PDZD2: variants seen among roughly 807,000 people sequenced by gnomAD.
PDZD2 encodes the protein PDZ domain-containing protein 2.
A neutral mutation model predicts 220.7 loss-of-function variants in PDZD2; 90 were observed. That is an observed-to-expected ratio of 0.41 (90% CI 0.34 to 0.49). The LOEUF (loss-of-function observed/expected upper bound fraction) is 0.49, where lower values mean the gene tolerates loss of function less well. PDZD2 is among the 20% of genes least tolerant of loss of function. PDZD2 has a pLI of 0.28. For missense variants in PDZD2, 3,174 were observed against 3,608.5 expected (o/e 0.88, Z 3.08); for synonymous variants, 1,375 against 1,450.5 (o/e 0.95, Z 1.18).
At chr5:31,958,552 GC>G (rs1488126086) in intron 2 of PDZD2, among the ~76,000 whole-genome samples, 1 of 151,906 alleles carries the variant, frequency 6.6e-6, no homozygotes, top group Non-Finnish European at 1.5e-5. Flanking sequence ...ACCACAGCTG[GC>G]TTATCTTGAT....
chr5:31,856,497 G>C (rs1010693410), intron 2 of PDZD2, among the ~76,000 whole-genome samples: 1 of 152,172 alleles, frequency 6.6e-6, no homozygotes, highest in African/African-American at 2.4e-5. Context: ...CACCCTCTCT[G>C]AGCCTGCATT....
At position 31,975,820 on chromosome 5, in the gene PDZD2, T is replaced by TG. The variant is rs1300814938; in HGVS notation, c.477-7335_477-7334insG. ...TTTTTTTTATTTATTTTTTTTTTTT[T>TG]TGAGACAAGGTCTTACTCTGTAACC... On this transcript the variant is annotated intron_variant, in intron 2 of 24. Transcript: ENST00000438447. Among the ~76,000 whole-genome samples the TG allele has an allele frequency of 1.4e-3, 195 of 134,764 alleles. 5 individuals carry two copies. Among genetic ancestry groups the TG allele is most frequent in the African/African-American group, 5.4e-3 (190 of 35,486 alleles). 88.4% of individuals were successfully genotyped at this position (134,764 alleles called of 152,430 possible). A position where few individuals can be genotyped will look rare whatever the true frequency, so the allele number is the denominator to read the frequency against.
intron 1 of PDZD2, among the ~76,000 whole-genome samples, chr5:31,773,936 T>C (rs1257734022): frequency 6.6e-6 from 1 of 152,138 alleles, no homozygotes; most frequent in African/African-American, 2.4e-5. Flanking sequence ...ACATCAGGAA[T>C]AGCTAGCATG....
In PDZD2 at chr5:32,092,915, A is replaced by C. The variant is rs770506377; in HGVS notation, c.7736A>C (p.Gln2579Pro). ...ATATTTATATTATTTAGTTTGGATC[A>C]ACTTCTAGTCTCAGCGGGGGACCAG... ...FRRSWSVNLD[Q>P]LLVSAGDQQR... is the part of the protein sequence containing the mutation. Residue 2579 changes from glutamine to proline, a missense_variant, in exon 21 of 25, where the codon CAA (glutamine) becomes CCA (proline). Physicochemically the swap from Gln to Pro is moderately conservative, Grantham distance 76. Coordinates refer to ENST00000438447, the MANE Select transcript of PDZD2 (RefSeq NM_178140.4). 6.5e-7 allele frequency: 1 copy of C among 1,539,016 alleles called. No homozygotes were observed. Among genetic ancestry groups the C allele is most frequent in the East Asian group, 2.3e-5 (1 of 44,386 alleles).
At chr5:31,816,623 G>A (rs1258235999) in intron 2 of PDZD2, among the ~76,000 whole-genome samples, 1 of 151,852 alleles carries the variant, frequency 6.6e-6, no homozygotes, top group Non-Finnish European at 1.5e-5. Context: ...AAAATCTTGA[G>A]AACAAAATTT....
At chr5:31,893,596 AG>A (rs1741259795) in intron 2 of PDZD2, among the ~76,000 whole-genome samples, 1 of 151,856 alleles carries the variant, frequency 6.6e-6, no homozygotes, top group African/African-American at 2.4e-5. Flanking sequence ...CAAAAAAAAC[AG>A]GTGGATAATG....
At chr5:31,865,221 T>C (rs1738103631) in intron 2 of PDZD2, among the ~76,000 whole-genome samples, 1 of 152,122 alleles carries the variant, frequency 6.6e-6, no homozygotes, top group Non-Finnish European at 1.5e-5. Flanking sequence ...AGGAGGAAAA[T>C]GATTCAGCCT....
At chr5:32,041,412 C>T (rs181906750) in intron 7 of PDZD2, among the ~76,000 whole-genome samples, 1 of 149,902 alleles carries the variant, frequency 6.7e-6, no homozygotes, top group Non-Finnish European at 1.5e-5. Flanking sequence ...AAGGGGGAAA[C>T]GTGGGGAAAA....
At chr5:31,922,128 A>G (rs190772302) in intron 2 of PDZD2, among the ~76,000 whole-genome samples, 2 of 152,280 alleles carry the variant, frequency 1.3e-5, no homozygotes, top group Non-Finnish European at 2.9e-5. Context: ...CAAATAACTG[A>G]TTGTTTAGAG....
chr5:32,000,740 C>A lies in PDZD2; in HGVS notation c.1254+469C>A, dbSNP rs375244055. ...GGTCAGGCTGGTCTCAAACTCCTGA[C>A]CTCAGGTGATGCACCTGCCTCAGCT... On this transcript the variant is annotated intron_variant, in intron 5 of 24. Coordinates refer to ENST00000438447, the MANE Select transcript of PDZD2 (RefSeq NM_178140.4). This position sits in a 1 kb window ranked among gnomAD's most constrained non-coding sequence, Gnocchi z 4.5. Among the ~76,000 whole-genome samples the A allele has an allele frequency of 1.3e-5, 2 of 152,138 alleles. No individual in the cohort carries two copies. The highest frequency in any genetic ancestry group is 1.9e-4 in the East Asian group (1 of 5,176).
chr5:31,799,800 G>A, intron 2 of PDZD2, 76 bp downstream of exon 2: 1 of 926,010 alleles, frequency 1.1e-6, no homozygotes, highest in Non-Finnish European at 1.7e-6. Flanking sequence ...CAGCTGCAGA[G>A]GTTTATGAAT....
chr5:31,774,817 T>A (rs1392155497), intron 1 of PDZD2, among the ~76,000 whole-genome samples: 1 of 152,172 alleles, frequency 6.6e-6, no homozygotes, highest in East Asian at 1.9e-4. Flanking sequence ...CTTCCTGACT[T>A]TTTACACATA....
intron 1 of PDZD2, among the ~76,000 whole-genome samples, chr5:31,649,025 C>T (rs558919446): frequency 6.6e-6 from 1 of 152,180 alleles, no homozygotes; most frequent in East Asian, 1.9e-4. Context: ...CCCTCCTGCC[C>T]CCCAACCCAG....
chr5:31,774,051 T>C (rs1204651122), intron 1 of PDZD2, among the ~76,000 whole-genome samples: 1 of 152,086 alleles, frequency 6.6e-6, no homozygotes, highest in Non-Finnish European at 1.5e-5. Flanking sequence ...TGTTCATCCC[T>C]CCTTTGTTAA....
At position 31,983,586 on chromosome 5, in the gene PDZD2, C is replaced by G. The variant is rs776023006; in HGVS notation, c.908C>G (p.Thr303Arg). The G allele has an allele frequency of 6.2e-7, 1 of 1,614,148 alleles. No homozygotes were observed. Among genetic ancestry groups the G allele is most frequent in the South Asian group, 1.1e-5 (1 of 91,084 alleles). The change falls in exon 3 of 25, where the codon ACA (threonine) becomes AGA (arginine). Residue 303 changes from threonine to arginine, a missense_variant. This residue lies in a region of PDZD2 where 632 missense variants were observed against 708.1 expected (regional missense o/e 0.89). Coordinates refer to ENST00000438447, the MANE Select transcript of PDZD2 (RefSeq NM_178140.4). Reference sequence around the variant, plus strand: ...CCAAAGACAGATGCTCCTCTGACCACAAGCAATGACAAACGCCGCTTCTCA... The same window carrying G: ...CCAAAGACAGATGCTCCTCTGACCAGAAGCAATGACAAACGCCGCTTCTCA... Reference protein sequence around the residue: ...RIPKTDAPLTTSNDKRRFSKG... With the variant: ...RIPKTDAPLTRSNDKRRFSKG...
intron 2 of PDZD2, among the ~76,000 whole-genome samples, chr5:31,919,594 G>A (rs1338361537): frequency 6.6e-6 from 1 of 151,778 alleles, no homozygotes; most frequent in African/African-American, 2.4e-5. Flanking sequence ...TGATCTGCCT[G>A]CCTCGGCAAC....
chr5:31,989,837 C>T (rs1177512048), intron 3 of PDZD2, among the ~76,000 whole-genome samples: 2 of 152,114 alleles, frequency 1.3e-5, no homozygotes, highest in Admixed American at 6.6e-5. Context: ...CTTTGTTTCC[C>T]GTCTTAGCTC....
intron 1 of PDZD2, among the ~76,000 whole-genome samples, chr5:31,778,562 C>G (rs1486057476): frequency 1.3e-5 from 2 of 152,172 alleles, no homozygotes; most frequent in Admixed American, 1.3e-4. Flanking sequence ...CCATGAAGGT[C>G]TGCAGCTTCA....
At chr5:32,052,449 G>A (rs1738654083) in intron 8 of PDZD2, 162 bp from the exon 9 acceptor site, 4 of 647,094 alleles carry the variant, frequency 6.2e-6, no homozygotes, top group Non-Finnish European at 1.1e-5. Flanking sequence ...CCCAGCACCT[G>A]CGATAGTATT....
Sources: gnomAD v4.1 joint callset for allele counts (sites outside exome capture counted in the v4.1 genomes callset) on GRCh38, gnomAD v4.1.1 for gene constraint, gnomAD v4.1.1 regional missense constraint, Gnocchi (gnomAD v3.1) non-coding constraint, MANE v1.5 for transcripts, NCBI Gene and HGNC (gene_info 2026-07-23, HGNC 2026-07-21) for gene names.